The following DYNC2H1 variants were observed in gnomAD, a reference collection of about 807,000 sequenced individuals.
The protein encoded by DYNC2H1 is dynein cytoplasmic 2 heavy chain 1, also known as cytoplasmic dynein 2 heavy chain 1.
A neutral mutation model predicts 570.0 loss-of-function variants in DYNC2H1; 410 were observed. The ratio of observed to expected loss-of-function variants is 0.72; its 90% CI spans 0.66 to 0.78. The LOEUF is 0.78. DYNC2H1 is among the 30% of genes least tolerant of loss of function. The pLI is 0.00. For missense variants in DYNC2H1, 4,865 were observed against 5,046.4 expected (o/e 0.96, Z 1.09); for synonymous variants, 1,688 against 1,677.6 (o/e 1.01, Z -0.15).
intron 72 of DYNC2H1, 66 bp from the exon 73 acceptor site, chr11:103,282,942 A>G (rs1866199401): frequency 3.5e-6 from 4 of 1,140,514 alleles, no homozygotes; most frequent in Admixed American, 2.4e-5. Flanking sequence ...ATAGCTAATC[A>G]ATTGCTATTT....
intron 86 of DYNC2H1, 125 bp from the exon 87 acceptor site, chr11:103,456,150 G>C (rs1944778745): frequency 1.5e-6 from 1 of 669,344 alleles, no homozygotes; most frequent in Non-Finnish European, 2.3e-6. Flanking sequence ...ATAGTTTAAT[G>C]GTATTATTAT....
At chr11:103,390,529 A>T (rs1200015831) in intron 83 of DYNC2H1, among the ~76,000 whole-genome samples, 3 of 152,038 alleles carry the variant, frequency 2.0e-5, no homozygotes, top group Non-Finnish European at 4.4e-5. Flanking sequence ...TGTGAATTTG[A>T]TCCTGTCATT....
At chr11:103,263,817 C>T (rs1433395004) in intron 70 of DYNC2H1, among the ~76,000 whole-genome samples, 1 of 151,842 alleles carries the variant, frequency 6.6e-6, no homozygotes, top group Non-Finnish European at 1.5e-5. Flanking sequence ...GAAGCAAGAG[C>T]AAACACATTC....
intron 84 of DYNC2H1, among the ~76,000 whole-genome samples, chr11:103,428,013 T>C (rs928626792): frequency 6.6e-6 from 1 of 151,458 alleles, no homozygotes; most frequent in African/African-American, 2.4e-5. Flanking sequence ...AGTATATATA[T>C]ATAATTCAGT....
chr11:103,454,715 T>C (rs1270696762), intron 85 of DYNC2H1, among the ~76,000 whole-genome samples: 2 of 152,196 alleles, frequency 1.3e-5, no homozygotes, highest in African/African-American at 4.8e-5. Flanking sequence ...GAGTTGATTA[T>C]TTAAAAACAC....
intron 85 of DYNC2H1, among the ~76,000 whole-genome samples, chr11:103,438,858 T>C (rs1944155281): frequency 6.6e-6 from 1 of 152,096 alleles, no homozygotes; most frequent in African/African-American, 2.4e-5. Context: ...GTTCTATAAA[T>C]GTAAGCTGGG....
At chr11:103,327,762 T>C (rs1211957562) in intron 82 of DYNC2H1, among the ~76,000 whole-genome samples, 2 of 152,182 alleles carry the variant, frequency 1.3e-5, no homozygotes, top group African/African-American at 2.4e-5. Flanking sequence ...TCCTGGGCCA[T>C]TGACAAGAGC....
intron 56 of DYNC2H1, 97 bp downstream of exon 56, chr11:103,220,125 A>G: frequency 3.1e-6 from 2 of 650,426 alleles, no homozygotes; most frequent in Non-Finnish European, 4.7e-6. Flanking sequence ...GTTTTCTCAT[A>G]GTATTATAAA....
chr11:103,304,656 A>G lies in DYNC2H1; in HGVS notation c.11318A>G (p.Asn3773Ser), dbSNP rs1274322892. 6.2e-7 allele frequency: 1 copy of G among 1,613,474 alleles called. No homozygotes were observed. The highest frequency in any genetic ancestry group is 1.3e-5 in the African/African-American group (1 of 75,020). ...AIQMLKECAR[N>S]GDWLCLKNLH... ...CAAATGCTAAAAGAATGTGCCCGCA[A>G]TGGAGACTGGCTCTGTTTGAAGAAC... Residue 3773 changes from asparagine to serine, a missense_variant, in exon 77 of 89, where the codon AAT (asparagine) becomes AGT (serine). Physicochemically the swap from Asn to Ser is conservative, Grantham distance 46. Transcript: ENST00000375735.
chr11:103,449,658 ATTAT>A (rs1417886783), intron 85 of DYNC2H1, among the ~76,000 whole-genome samples: 2 of 98,292 alleles, frequency 2.0e-5, no homozygotes, highest in Non-Finnish European at 3.7e-5. Context: ...AAGTTTAGAA[ATTAT>A]TCATTTTCAT....
rs1276819366 is a variant in DYNC2H1 at position 103,177,108 on chromosome 11, T to C, written c.5875-448T>C. On this transcript the variant is annotated intron_variant, in intron 37 of 88. Coordinates refer to ENST00000375735, the MANE Select transcript of DYNC2H1 (RefSeq NM_001377.3). This position sits in a 1 kb window ranked among gnomAD's most constrained non-coding sequence, Gnocchi z 4.4. ...TTTATAATTGATTATATATATGATT[T>C]AGTTTCATTTTGATAATTTATTAGG... Among the ~76,000 whole-genome samples the C allele has an allele frequency of 6.6e-6, 1 of 152,168 alleles. No homozygotes were observed. Among genetic ancestry groups the C allele is most frequent in the Non-Finnish European group, 1.5e-5 (1 of 68,014 alleles).
In DYNC2H1 at chr11:103,319,487, A is replaced by G. The variant is rs893296348; in HGVS notation, c.11726-1542A>G. ...GTAGACACTATCTCAGTTTATTCGAATATCCAGAAGTTTAAATTACAAAAG... is the reference window on the plus strand; with the variant it reads ...GTAGACACTATCTCAGTTTATTCGAGTATCCAGAAGTTTAAATTACAAAAG... On this transcript the variant is annotated intron_variant, in intron 80 of 88. Transcript: ENST00000375735. The surrounding 1 kb of genome is among the most constrained non-coding windows in gnomAD (Gnocchi z 4.3). Among the ~76,000 whole-genome samples the G allele has an allele frequency of 3.9e-5, 6 of 152,150 alleles. No homozygotes were observed. Among genetic ancestry groups the G allele is most frequent in the Non-Finnish European group, 8.8e-5 (6 of 67,992 alleles).
rs1046307150 is a variant in DYNC2H1, at chr11:103,325,449, C to T, written c.12039+1459C>T. Among the ~76,000 whole-genome samples the T allele has an allele frequency of 2.0e-5, 3 of 152,160 alleles. No homozygotes were observed. Among genetic ancestry groups the T allele is most frequent in the Non-Finnish European group, 4.4e-5 (3 of 68,038 alleles). The stretch of plus-strand genomic sequence containing the variant: ...ACATGGCTAGGTAGTTAACCCAGTA[C>T]CATTTATTGAATAGGAAGTTCTTTC... On this transcript the variant is annotated intron_variant, in intron 82 of 88. Coordinates refer to ENST00000375735, the MANE Select transcript of DYNC2H1 (RefSeq NM_001377.3). The surrounding 1 kb of genome is among the most constrained non-coding windows in gnomAD (Gnocchi z 4.8).
intron 13 of DYNC2H1, among the ~76,000 whole-genome samples, chr11:103,131,452 T>A (rs913637005): frequency 6.6e-6 from 1 of 152,166 alleles, no homozygotes; most frequent in African/African-American, 2.4e-5. Flanking sequence ...CATGCCCAGC[T>A]AATTTTTTTG....
Position 103,465,107 on chromosome 11 carries a change from C to G in DYNC2H1, c.12649-3482C>G, listed in dbSNP as rs117884725. On this transcript the variant is annotated intron_variant, in intron 87 of 88. Transcript: ENST00000375735. This position sits in a 1 kb window ranked among gnomAD's most constrained non-coding sequence, Gnocchi z 4.9. ...ATGGTAAAACACTAAAATGGATATA[C>G]AATCCATAGCAGAAAAGGAGAAAAA... Among the ~76,000 whole-genome samples the G allele has an allele frequency of 6.6e-6, 1 of 151,484 alleles. No individual in the cohort carries two copies. The highest frequency in any genetic ancestry group is 1.5e-5 in the Non-Finnish European group (1 of 67,896).
rs1373340260 is a variant in DYNC2H1 at position 103,201,155 on chromosome 11, TA to T, written c.8197+1005del. ...AATCTTGTTTTTTAAAAGAAGAAAT[TA>T]AAATTATTTTTAAGGAAAAAAGGAA... is the stretch of plus-strand genomic sequence containing the variant. On this transcript the variant is annotated intron_variant, in intron 50 of 88. Transcript: ENST00000375735. The surrounding 1 kb of genome is among the most constrained non-coding windows in gnomAD (Gnocchi z 4.8). Among the ~76,000 whole-genome samples, 2 of 152,094 alleles carry T rather than the reference TA, an allele frequency of 1.3e-5. No individual in the cohort carries two copies. Among genetic ancestry groups the T allele is most frequent in the Non-Finnish European group, 2.9e-5 (2 of 68,014 alleles).
At chr11:103,421,063 G>T (rs1411144671) in intron 84 of DYNC2H1, among the ~76,000 whole-genome samples, 1 of 152,128 alleles carries the variant, frequency 6.6e-6, no homozygotes, top group Non-Finnish European at 1.5e-5. Flanking sequence ...ACAGAAAAAT[G>T]CAGGGGTTGC....
rs1243147215 is a variant in DYNC2H1, at chr11:103,353,338, G to C, written c.12040-4905G>C. On this transcript the variant is annotated intron_variant, in intron 82 of 88. Coordinates refer to ENST00000375735, the MANE Select transcript of DYNC2H1 (RefSeq NM_001377.3). The stretch of plus-strand genomic sequence containing the variant: ...ATGATTGTCTGTTCTCCAGATATTG[G>C]ATGTATTATATGTCCCTTAGGTCAT... 2.6e-5 allele frequency among the ~76,000 whole-genome samples: 4 copies of C among 152,048 alleles called. 1 individual carries two copies. The highest frequency in any genetic ancestry group is 2.6e-4 in the Admixed American group (4 of 15,256).
At chr11:103,313,284 A>G (rs1424413877) in intron 79 of DYNC2H1, among the ~76,000 whole-genome samples, 2 of 152,000 alleles carry the variant, frequency 1.3e-5, no homozygotes, top group East Asian at 1.9e-4. Context: ...GAATCTGTCT[A>G]CTCTTTCTCA....
Sources: allele counts gnomAD v4.1 joint callset (sites outside exome capture counted in the v4.1 genomes callset), GRCh38; gene constraint gnomAD v4.1.1; non-coding constraint Gnocchi (gnomAD v3.1); transcripts MANE v1.5; gene names NCBI Gene and HGNC (gene_info 2026-07-23, HGNC 2026-07-21).